DDB1: variants seen among roughly 807,000 people sequenced by gnomAD.
DDB1 encodes damage specific DNA binding protein 1, also known as DNA damage-binding protein 1.
A neutral mutation model predicts 133.1 loss-of-function variants in DDB1; 18 were observed. The observed-to-expected ratio is 0.14, with a 90% CI of 0.09 to 0.20. The LOEUF (loss-of-function observed/expected upper bound fraction) is 0.20, where lower values mean the gene tolerates loss of function less well. Ranked by LOEUF, DDB1 falls within the 10% of genes least tolerant of loss-of-function variation. The pLI, the probability that DDB1 is intolerant of heterozygous loss-of-function variation, is 1.00. For synonymous variants in DDB1, 580 were observed against 550.5 expected, an observed-to-expected ratio of 1.05 and a Z score of -0.75; for missense variants, 828 against 1,459.2, an observed-to-expected ratio of 0.57 and a Z score of 7.05.
chr11:61,320,926 CA>C (rs1210150347), intron 10 of DDB1, among the ~76,000 whole-genome samples: 1 of 151,684 alleles, frequency 6.6e-6, no homozygotes, highest in Non-Finnish European at 1.5e-5. Context: ...CATTGTCGCC[CA>C]AACTAGAGTG....
rs185351374 is a variant in DDB1 at position 61,306,103 on chromosome 11, A to C, written c.2662-2068T>G. Among the ~76,000 whole-genome samples, 251 of 152,306 alleles carry C rather than the reference A, an allele frequency of 1.6e-3. 2 individuals are homozygous for C. Among genetic ancestry groups the C allele is most frequent in the Admixed American group, 5.4e-3 (83 of 15,288 alleles). Reference sequence around the variant, plus strand: ...TATAATATTTCTATTGGCTGGCAACAGAACAGATATGTCCTCACCTGACCT... The same window carrying C: ...TATAATATTTCTATTGGCTGGCAACCGAACAGATATGTCCTCACCTGACCT... On this transcript the variant is annotated intron_variant, in intron 21 of 26. Transcript: ENST00000301764.
chr11:61,319,617 A>T (rs1166006830), intron 10 of DDB1, among the ~76,000 whole-genome samples: 1 of 152,054 alleles, frequency 6.6e-6, no homozygotes, highest in Admixed American at 6.5e-5. Context: ...ATTTTAGTAG[A>T]GATGGGGTTT....
At chr11:61,331,911 C>T (rs758604541) in intron 1 of DDB1, 1 of 544,126 alleles carries the variant, frequency 1.8e-6, no homozygotes, top group Non-Finnish European at 3.2e-6. Context: ...ACTAAGAAAA[C>T]TGGACTGGAC....
At chr11:61,310,224 G>A in intron 19 of DDB1, 71 bp downstream of exon 19, 1 of 1,552,830 alleles carries the variant, frequency 6.4e-7, no homozygotes, top group Non-Finnish European at 8.7e-7. Context: ...AGGCTTTGCA[G>A]GTACCAGAGC....
chr11:61,330,607 G>C (rs1856351198), intron 2 of DDB1, among the ~76,000 whole-genome samples: 1 of 151,970 alleles, frequency 6.6e-6, no homozygotes, highest in African/African-American at 2.4e-5. Flanking sequence ...GTGGTGATTT[G>C]GATGAAAACA....
chr11:61,315,296 A>C (rs1372927917), intron 12 of DDB1: 2 of 152,268 alleles, frequency 1.3e-5, no homozygotes, highest in Non-Finnish European at 2.9e-5. Flanking sequence ...AACAGGAAGT[A>C]GGTTGGTGAC....
chr11:61,309,823 G>C lies in DDB1; in HGVS notation c.2539C>G (p.Arg847Gly). The change falls in exon 20 of 27, where the codon CGC becomes GGC. Residue 847 changes from arginine (R) to glycine (G), a missense_variant. Physicochemically the swap from Arg to Gly is moderately radical, Grantham distance 125. Transcript: ENST00000301764. ...YPEEAEPKQG[R>G]IVVFQYSDGK... ...TCCGAATACTGAAAGACCACAATGC[G>C]ACCCTGCTTGGGCTCTGCCTCTTCA... is the stretch of plus-strand genomic sequence containing the variant. 6.2e-7 allele frequency: 1 copy of C among 1,613,932 alleles called. No homozygotes were observed. The highest frequency in any genetic ancestry group is 8.5e-7 in the Non-Finnish European group (1 of 1,179,972).
Position 61,333,007 on chromosome 11 carries a change from C to G in DDB1, c.-39G>C. 2 of 1,471,018 alleles carry G rather than the reference C, an allele frequency of 1.4e-6. No individual in the cohort carries two copies. Among genetic ancestry groups the G allele is most frequent in the South Asian group, 2.6e-5 (2 of 77,056 alleles). 91.1% of individuals were successfully genotyped at this position (1,471,018 alleles called of 1,614,324 possible). A position where few individuals can be genotyped will look rare whatever the true frequency, so the allele number is the denominator to read the frequency against. ...GCGGCCCGTCGGGACTCGAGCGCGA[C>G]ACTAGAAAGAGGGACACAAGCGAAA... is the stretch of plus-strand genomic sequence containing the variant. On this transcript the variant is annotated 5_prime_UTR_variant, in exon 1 of 27. Transcript: ENST00000301764.
At chr11:61,321,754 C>T in intron 9 of DDB1, 57 bp from the exon 10 acceptor site, 12 of 1,469,562 alleles carry the variant, frequency 8.2e-6, no homozygotes, top group Non-Finnish European at 1.1e-5. Flanking sequence ...GCCAGTCATA[C>T]TGATGCCCAG....
chr11:61,302,096 G>C (rs1411822081), intron 25 of DDB1, 161 bp downstream of exon 25: 1 of 621,884 alleles, frequency 1.6e-6, no homozygotes, highest in African/African-American at 1.8e-5. Flanking sequence ...GTGTATGTTT[G>C]AAATTTTCCA....
intron 10 of DDB1, among the ~76,000 whole-genome samples, chr11:61,318,549 T>C (rs571422596): frequency 6.6e-6 from 1 of 152,160 alleles, no homozygotes; most frequent in African/African-American, 2.4e-5. Context: ...CTTTGCTAGT[T>C]TGGGGACAGA....
At chr11:61,304,655 A>G (rs1398083463) in intron 21 of DDB1, among the ~76,000 whole-genome samples, 1 of 152,022 alleles carries the variant, frequency 6.6e-6, no homozygotes, top group Admixed American at 6.6e-5. Flanking sequence ...CGGGCAGATC[A>G]TGAGGTCAGG....
At chr11:61,312,383 A>C (rs1350746941) in intron 16 of DDB1, among the ~76,000 whole-genome samples, 2 of 152,276 alleles carry the variant, frequency 1.3e-5, no homozygotes, top group East Asian at 3.9e-4. Context: ...TGCCTGTGTC[A>C]GAGTTGGCTG....
At chr11:61,322,109 T>C in intron 9 of DDB1, 187 bp downstream of exon 9, 6 of 628,076 alleles carry the variant, frequency 9.6e-6, no homozygotes, top group Non-Finnish European at 8.6e-6. Flanking sequence ...AGAGATAATG[T>C]ATATAAAGTG....
At chr11:61,303,006 C>T (rs761402740) in intron 23 of DDB1, 40 bp downstream of exon 23, 3 of 1,580,648 alleles carry the variant, frequency 1.9e-6, no homozygotes, top group Non-Finnish European at 2.6e-6. Context: ...CAAGGAACTC[C>T]CAGCCCTCCC....
In DDB1 at chr11:61,316,519, A is replaced by G; in HGVS notation, c.1274T>C (p.Leu425Ser). 6.2e-7 allele frequency: 1 copy of G among 1,614,174 alleles called. No individual in the cohort carries two copies. Among genetic ancestry groups the G allele is most frequent in the Non-Finnish European group, 8.5e-7 (1 of 1,180,026 alleles). ...TGTCTGGCCCACAAAAGAGAGCACC[A>G]AAGTGTCATCAGTCTCACGATTAGG... ...SDPNRETDDT[L>S]VLSFVGQTRV... The change falls in exon 11 of 27, where the codon TTG (leucine) becomes TCG (serine). Residue 425 changes from leucine (L) to serine (S), a missense_variant. Transcript: ENST00000301764.
intron 18 of DDB1, 155 bp from the exon 19 acceptor site, chr11:61,310,573 G>T: frequency 1.3e-6 from 1 of 760,592 alleles, no homozygotes; most frequent in Non-Finnish European, 2.0e-6. Flanking sequence ...GAGTGTTTCA[G>T]AGGAGGCATG....
Position 61,329,470 on chromosome 11 carries a change from C to A in DDB1, c.442G>T (p.Asp148Tyr), listed in dbSNP as rs1856327985. The change falls in exon 4 of 27, where the codon GAT becomes TAT. Residue 148 changes from aspartate to tyrosine, a missense_variant. Transcript: ENST00000301764. ...GLFKVIPLDR[D>Y]NKELKAFNIR... ...TTGAAGGCCTTGAGTTCTTTATTATCGCGATCTAGTGGAATAACCTTGAAA... is the reference window on the plus strand; with the variant it reads ...TTGAAGGCCTTGAGTTCTTTATTATAGCGATCTAGTGGAATAACCTTGAAA... The A allele has an allele frequency of 6.2e-7, 1 of 1,614,100 alleles. No homozygotes were observed. Among genetic ancestry groups the A allele is most frequent in the Non-Finnish European group, 8.5e-7 (1 of 1,180,030 alleles).
chr11:61,313,171 C>T (rs117439926), intron 16 of DDB1, among the ~76,000 whole-genome samples: 3 of 152,148 alleles, frequency 2.0e-5, no homozygotes, highest in Non-Finnish European at 4.4e-5. Flanking sequence ...GTTGGGGACA[C>T]CCTTTGAGAA....
Sources: gnomAD v4.1 joint callset for allele counts (sites outside exome capture counted in the v4.1 genomes callset) on GRCh38, gnomAD v4.1.1 for gene constraint, MANE v1.5 for transcripts, NCBI Gene and HGNC (gene_info 2026-07-23, HGNC 2026-07-21) for gene names.